FAM169A: variants seen among roughly 807,000 people sequenced by gnomAD.
The protein encoded by FAM169A is soluble lamin-associated protein of 75 kDa.
A neutral mutation model predicts 75.7 loss-of-function variants in FAM169A; 24 were observed. The observed-to-expected ratio is 0.32, with a 90% CI of 0.23 to 0.45. FAM169A has a LOEUF of 0.45. Among genes scored for constraint, FAM169A ranks in the 20% least tolerant of loss-of-function variants. FAM169A has a pLI of 1.00. For synonymous variants in FAM169A, 271 were observed against 271.0 expected, an observed-to-expected ratio of 1.00 and a Z score of 0.00; for missense variants, 673 against 784.0, an observed-to-expected ratio of 0.86 and a Z score of 1.69.
At chr5:74,849,219 T>A (rs1287791670) in intron 1 of FAM169A, among the ~76,000 whole-genome samples, 2 of 152,194 alleles carry the variant, frequency 1.3e-5, no homozygotes, top group African/African-American at 4.8e-5. Context: ...CTTTTAATAA[T>A]TCCTTTTTCC....
chr5:74,805,863 A>G (rs1580104033), intron 6 of FAM169A, among the ~76,000 whole-genome samples: 2 of 151,920 alleles, frequency 1.3e-5, no homozygotes, highest in East Asian at 3.8e-4. Flanking sequence ...ATCCCAACAC[A>G]ACTTATTTTT....
intron 10 of FAM169A, chr5:74,800,175 G>GAA: frequency 2.5e-6 from 1 of 404,498 alleles, no homozygotes; most frequent in Non-Finnish European, 4.6e-6. Flanking sequence ...AGGAAACACT[G>GAA]AAAACACATA....
At position 74,778,078 on chromosome 5, in the gene FAM169A, C is replaced by G. The variant is rs1745211252; in HGVS notation, c.*3382G>C. On this transcript the variant is annotated 3_prime_UTR_variant, in exon 13 of 13. Coordinates refer to ENST00000687041, the MANE Select transcript of FAM169A (RefSeq NM_001376049.1). ...TAGAAGGCGAATAAAAATACTGACTCCAGGTAATTTCTGGATACTACAAAA... is the reference window on the plus strand; with the variant it reads ...TAGAAGGCGAATAAAAATACTGACTGCAGGTAATTTCTGGATACTACAAAA... 1 of 151,982 alleles carries G rather than the reference C, an allele frequency of 6.6e-6. No individual in the cohort carries two copies. The highest frequency in any genetic ancestry group is 1.5e-5 in the Non-Finnish European group (1 of 67,902). 9.4% of individuals were successfully genotyped at this position (151,982 alleles called of 1,614,324 possible). A position where few individuals can be genotyped will look rare whatever the true frequency, so the allele number is the denominator to read the frequency against.
At chr5:74,821,087 A>G (rs1012601006) in intron 5 of FAM169A, among the ~76,000 whole-genome samples, 2 of 152,034 alleles carry the variant, frequency 1.3e-5, no homozygotes, top group African/African-American at 4.8e-5. Context: ...TATTCTTTTA[A>G]TTTACTTTGG....
intron 11 of FAM169A, among the ~76,000 whole-genome samples, chr5:74,786,944 A>C (rs530798749): frequency 1.3e-5 from 2 of 152,192 alleles, no homozygotes; most frequent in South Asian, 4.2e-4. Flanking sequence ...CTCTGATGAG[A>C]CTTTTTGCCA....
chr5:74,838,954 G>A lies in FAM169A; in HGVS notation c.318+11C>T. The A allele has an allele frequency of 6.3e-7, 1 of 1,593,338 alleles. No individual in the cohort carries two copies. Among genetic ancestry groups the A allele is most frequent in the Non-Finnish European group, 8.6e-7 (1 of 1,161,164 alleles). On this transcript the variant is annotated intron_variant, in intron 4 of 12. Transcript: ENST00000687041. ...TCAAAAGAAACACTCAAAATTAGAGGATCTTGTTACCTGCTTAAGCCCCTC... is the reference window on the plus strand; with the variant it reads ...TCAAAAGAAACACTCAAAATTAGAGAATCTTGTTACCTGCTTAAGCCCCTC...
intron 1 of FAM169A, among the ~76,000 whole-genome samples, chr5:74,842,348 G>A (rs1193780815): frequency 7.0e-6 from 1 of 143,008 alleles, no homozygotes; most frequent in Admixed American, 7.2e-5. Context: ...TTGAACCCGG[G>A]AGGCAGAGGT....
intron 10 of FAM169A, among the ~76,000 whole-genome samples, chr5:74,797,459 G>A (rs1403095767): frequency 6.6e-6 from 1 of 152,182 alleles, no homozygotes; most frequent in Non-Finnish European, 1.5e-5. Context: ...TTACAGGCAT[G>A]AGCCACCGTG....
Position 74,795,375 on chromosome 5 carries a change from T to C in FAM169A, c.1260+655A>G, listed in dbSNP as rs370641806. Among the ~76,000 whole-genome samples, 31 of 151,404 alleles carry C rather than the reference T, an allele frequency of 2.0e-4. No homozygotes were observed. In the East Asian group the frequency reaches 3.9e-3, roughly 19 times the overall value. On this transcript the variant is annotated intron_variant, in intron 11 of 12. Coordinates refer to ENST00000687041, the MANE Select transcript of FAM169A (RefSeq NM_001376049.1). ...ATTTATGAACATATGAAAGAAGAAA[T>C]AGAGAATCTGTGGAAAGGAAAAGAT... is the stretch of plus-strand genomic sequence containing the variant.
intron 1 of FAM169A, among the ~76,000 whole-genome samples, chr5:74,845,422 G>A (rs929454590): frequency 2.0e-5 from 3 of 152,116 alleles, no homozygotes; most frequent in African/African-American, 4.8e-5. Context: ...AGAGGCTGAG[G>A]CAGGAGAATT....
chr5:74,861,476 C>A (rs1485391898), intron 1 of FAM169A, among the ~76,000 whole-genome samples: 6 of 152,142 alleles, frequency 3.9e-5, no homozygotes, highest in African/African-American at 1.2e-4. Flanking sequence ...TGGCTCCCAG[C>A]ACTTTGGGAG....
Position 74,840,055 on chromosome 5 carries a change from A to G in FAM169A, c.232+19T>C. On this transcript the variant is annotated intron_variant, in intron 3 of 12. Transcript: ENST00000687041. ...TGGAGAAAAATTCCTTAATTTATAAAAATTAAGCAAAAAGAGACCTGTCAG... is the reference window on the plus strand; with the variant it reads ...TGGAGAAAAATTCCTTAATTTATAAGAATTAAGCAAAAAGAGACCTGTCAG... 7.4e-7 allele frequency: 1 copy of G among 1,347,386 alleles called. No homozygotes were observed. Among genetic ancestry groups the G allele is most frequent in the Non-Finnish European group, 1.0e-6 (1 of 969,462 alleles). The allele number at this position is 1,347,386 out of a possible 1,614,324, so 83.5% of individuals were successfully genotyped here.
intron 11 of FAM169A, among the ~76,000 whole-genome samples, chr5:74,788,581 T>C (rs1018217629): frequency 1.3e-5 from 2 of 152,000 alleles, no homozygotes; most frequent in Non-Finnish European, 2.9e-5. Context: ...GGCACATGCC[T>C]GTAATCCCAG....
At chr5:74,789,888 C>T (rs138392730) in intron 11 of FAM169A, among the ~76,000 whole-genome samples, 2 of 152,324 alleles carry the variant, frequency 1.3e-5, no homozygotes, top group East Asian at 3.9e-4. Context: ...CAGTTCTTGG[C>T]CTGTTACTGG....
At chr5:74,816,214 C>T (rs1291371501) in intron 5 of FAM169A, among the ~76,000 whole-genome samples, 1 of 152,148 alleles carries the variant, frequency 6.6e-6, no homozygotes, top group East Asian at 1.9e-4. Flanking sequence ...TAGTGGTAGT[C>T]AAGTTTGAAG....
At chr5:74,811,434 T>C (rs1747187899) in intron 6 of FAM169A, among the ~76,000 whole-genome samples, 1 of 152,202 alleles carries the variant, frequency 6.6e-6, no homozygotes, top group Non-Finnish European at 1.5e-5. Flanking sequence ...ATTTTAGGAC[T>C]ATCCAAGGAC....
rs1455936167 is a variant in FAM169A, at chr5:74,777,604, G to A, written c.*3856C>T. 1 of 151,394 alleles carries A rather than the reference G, an allele frequency of 6.6e-6. No individual in the cohort carries two copies. The highest frequency in any genetic ancestry group is 1.9e-4 in the East Asian group (1 of 5,166). The allele number at this position is 151,394 out of a possible 1,614,324, so 9.4% of individuals were successfully genotyped here. On this transcript the variant is annotated 3_prime_UTR_variant, in exon 13 of 13. Coordinates refer to ENST00000687041, the MANE Select transcript of FAM169A (RefSeq NM_001376049.1). ...TTAAATTGTTTATTTTTTTTTTAAA[G>A]AAGTCTGTCTTCAGAGTACAACCAA...
chr5:74,830,191 G>C (rs1383709173), intron 5 of FAM169A, among the ~76,000 whole-genome samples: 1 of 152,080 alleles, frequency 6.6e-6, no homozygotes, highest in African/African-American at 2.4e-5. Flanking sequence ...AAAAAGAGAG[G>C]AAAGAGAAGC....
chr5:74,788,781 C>A (rs532056161), intron 11 of FAM169A, among the ~76,000 whole-genome samples: 1 of 152,006 alleles, frequency 6.6e-6, no homozygotes, highest in East Asian at 1.9e-4. Context: ...GAGATTAGTG[C>A]CACCATCAAG....
Sources: gnomAD v4.1 joint callset for allele counts (sites outside exome capture counted in the v4.1 genomes callset) on GRCh38, gnomAD v4.1.1 for gene constraint, MANE v1.5 for transcripts, NCBI Gene and HGNC (gene_info 2026-07-23, HGNC 2026-07-21) for gene names.